Variants in NAV3 observed in about 807,000 individuals in gnomAD.
NAV3 encodes neuron navigator 3.
Under a neutral mutation model 244.7 loss-of-function variants are expected in NAV3, and 87 were observed. That is an observed-to-expected ratio of 0.36 (90% confidence interval 0.30 to 0.42). NAV3 has a LOEUF of 0.42. Ranked by LOEUF, NAV3 falls within the 20% of genes least tolerant of loss-of-function variation. The probability of loss-of-function intolerance (pLI) is 1.00; values close to 1 mark genes in which losing one functional copy is unlikely to be tolerated. For missense variants in NAV3, 2,663 were observed against 2,893.3 expected (o/e 0.92, Z 1.83); for synonymous variants, 1,126 against 1,042.2 (o/e 1.08, Z -1.55).
At position 78,175,360 on chromosome 12, in the gene NAV3, C is replaced by A. The variant is rs2139649146; in HGVS notation, c.5036C>A (p.Ala1679Asp). 1 of 1,611,618 alleles carries A rather than the reference C, an allele frequency of 6.2e-7. No individual in the cohort carries two copies. Among genetic ancestry groups the A allele is most frequent in the African/African-American group, 1.3e-5 (1 of 74,894 alleles). Residue 1679 changes from alanine (A) to aspartate (D), a missense_variant, in exon 25 of 40, where the codon GCC (alanine) becomes GAC (aspartate). By Grantham distance (126) the Ala-to-Asp change is moderately radical (BLOSUM62 -2). Coordinates refer to ENST00000397909, the MANE Select transcript of NAV3 (RefSeq NM_001024383.2). ...SSESVSSINSATSHSSIGSGN... is the reference protein window; with the variant it reads ...SSESVSSINSDTSHSSIGSGN... ...GAAAGTGTTTCTAGTATCAACAGTG[C>A]CACAAGCCATTCCAGTATTGGCAGT...
rs1958908609 is a variant in NAV3, at chr12:78,190,153, C to T, written c.6225C>T (p.Thr2075=). The change falls in exon 34 of 40, where the codon ACC becomes ACT. Residue 2075 remains threonine, a synonymous_variant. Transcript: ENST00000397909. ...LANKLAEYVI[T]KSGRKKTEDA... is the part of the protein sequence containing the mutation. ...ACAAACTTGCTGAATATGTAATAAC[C>T]AAATCTGGAAGGAAAAAAACAGAGG... The T allele has an allele frequency of 6.2e-7, 1 of 1,612,678 alleles. No homozygotes were observed. The highest frequency in any genetic ancestry group is 8.5e-7 in the Non-Finnish European group (1 of 1,179,388).
chr12:77,914,564 T>C (rs1047045010), intron 1 of NAV3, among the ~76,000 whole-genome samples: 1 of 152,100 alleles, frequency 6.6e-6, no homozygotes, highest in Admixed American at 6.6e-5. Flanking sequence ...GTCAGAGGCA[T>C]GGACTAAATT....
intron 2 of NAV3, among the ~76,000 whole-genome samples, chr12:77,704,587 A>G (rs1008851438): frequency 6.6e-6 from 1 of 152,162 alleles, no homozygotes; most frequent in Non-Finnish European, 1.5e-5. Flanking sequence ...AAATGTTCCT[A>G]TTAATGAGTC....
intron 2 of NAV3, among the ~76,000 whole-genome samples, chr12:77,699,285 T>C (rs1323181298): frequency 1.3e-5 from 2 of 152,160 alleles, no homozygotes; most frequent in Non-Finnish European, 2.9e-5. Flanking sequence ...TTGTGCGTTA[T>C]TCTCAATGCC....
chr12:77,585,434 G>A (rs1270591692), intron 2 of NAV3, among the ~76,000 whole-genome samples: 1 of 152,050 alleles, frequency 6.6e-6, no homozygotes, highest in Non-Finnish European at 1.5e-5. Context: ...GGACAGAGTT[G>A]GTTTCAATAA....
chr12:77,970,080 A>G (rs1175565552), intron 5 of NAV3, among the ~76,000 whole-genome samples: 1 of 152,200 alleles, frequency 6.6e-6, no homozygotes, highest in Non-Finnish European at 1.5e-5. Context: ...ACAAGCTACT[A>G]TATTTGTTCC....
At chr12:77,727,630 G>C (rs1329299738) in intron 2 of NAV3, among the ~76,000 whole-genome samples, 1 of 151,958 alleles carries the variant, frequency 6.6e-6, no homozygotes, top group Non-Finnish European at 1.5e-5. Flanking sequence ...GTTCAGTAGA[G>C]TTTAGAAGTG....
At chr12:77,903,907 C>A (rs1885631386) in intron 1 of NAV3, among the ~76,000 whole-genome samples, 1 of 152,194 alleles carries the variant, frequency 6.6e-6, no homozygotes, top group Non-Finnish European at 1.5e-5. Context: ...CTCATCATCA[C>A]TGGCCATCAG....
intron 8 of NAV3, among the ~76,000 whole-genome samples, chr12:78,019,593 A>G (rs1371887851): frequency 6.6e-6 from 1 of 152,182 alleles, no homozygotes; most frequent in African/African-American, 2.4e-5. Context: ...AAAAATAGTC[A>G]CTTGAGCTAA....
At chr12:78,077,381 C>T (rs1238014783) in intron 12 of NAV3, among the ~76,000 whole-genome samples, 1 of 152,060 alleles carries the variant, frequency 6.6e-6, no homozygotes, top group African/African-American at 2.4e-5. Context: ...GGCCAAGAGG[C>T]AAAATCAAGA....
At chr12:77,909,222 T>G (rs1318840406) in intron 1 of NAV3, among the ~76,000 whole-genome samples, 1 of 152,106 alleles carries the variant, frequency 6.6e-6, no homozygotes, top group African/African-American at 2.4e-5. Flanking sequence ...GATAATTTTT[T>G]CAACAGGAAA....
intron 2 of NAV3, among the ~76,000 whole-genome samples, chr12:77,820,507 A>G (rs1430166425): frequency 1.3e-5 from 2 of 152,164 alleles, no homozygotes; most frequent in African/African-American, 4.8e-5. Flanking sequence ...TCACTTTCCA[A>G]AGGCCACAAC....
intron 1 of NAV3, among the ~76,000 whole-genome samples, chr12:77,851,603 T>C (rs886892980): frequency 3.3e-5 from 5 of 152,168 alleles, no homozygotes; most frequent in African/African-American, 9.7e-5. Context: ...ATAATGATTG[T>C]CGTTATTTTA....
intron 18 of NAV3, chr12:78,130,712 A>T (rs1303476516): frequency 6.6e-6 from 1 of 152,594 alleles, no homozygotes; most frequent in Non-Finnish European, 1.5e-5. Context: ...AGCTTATCCA[A>T]CTTGGGTTGC....
At chr12:77,865,408 T>TA (rs1879854797) in intron 1 of NAV3, among the ~76,000 whole-genome samples, 1 of 152,022 alleles carries the variant, frequency 6.6e-6, no homozygotes, top group South Asian at 2.1e-4. Context: ...AACTTGTTTT[T>TA]ATTGCCTAGT....
At chr12:77,714,543 T>G (rs796942083) in intron 2 of NAV3, among the ~76,000 whole-genome samples, 22 of 152,296 alleles carry the variant, frequency 1.4e-4, no homozygotes, top group Middle Eastern at 3.4e-3. Flanking sequence ...CCGCCAGTAA[T>G]TAATTCCTTT....
At chr12:77,600,620 A>G (rs1471708896) in intron 2 of NAV3, among the ~76,000 whole-genome samples, 2 of 152,018 alleles carry the variant, frequency 1.3e-5, no homozygotes, top group African/African-American at 4.8e-5. Flanking sequence ...GGAAAAGTGC[A>G]TGTCATAAAT....
At chr12:77,733,315 A>G (rs1877202573) in intron 2 of NAV3, among the ~76,000 whole-genome samples, 1 of 152,052 alleles carries the variant, frequency 6.6e-6, no homozygotes, top group African/African-American at 2.4e-5. Context: ...CCATTTATCA[A>G]TAAGAGAAAA....
At chr12:77,806,158 T>C (rs1871969005) in intron 2 of NAV3, among the ~76,000 whole-genome samples, 1 of 152,214 alleles carries the variant, frequency 6.6e-6, no homozygotes, top group Non-Finnish European at 1.5e-5. Context: ...TTTGTGTCTC[T>C]ATCTCCTTCA....
Sources: allele counts gnomAD v4.1 joint callset (sites outside exome capture counted in the v4.1 genomes callset), GRCh38; gene constraint gnomAD v4.1.1; transcripts MANE v1.5; gene names NCBI Gene and HGNC (gene_info 2026-07-23, HGNC 2026-07-21).